Variants in UBAP2 observed in about 807,000 individuals in gnomAD.
UBAP2 encodes the protein ubiquitin-associated protein 2.
Under a neutral mutation model 139.6 loss-of-function variants are expected in UBAP2, and 75 were observed. The observed-to-expected ratio is 0.54, with a 90% CI of 0.45 to 0.65. The LOEUF (loss-of-function observed/expected upper bound fraction) is 0.65, where lower values mean the gene tolerates loss of function less well. UBAP2 is among the 30% of genes least tolerant of loss of function. The pLI is 0.00. For synonymous variants in UBAP2, 526 were observed against 526.2 expected, an observed-to-expected ratio of 1.00 and a Z score of 0.01; for missense variants, 1,368 against 1,369.6, an observed-to-expected ratio of 1.00 and a Z score of 0.02.
chr9:33,978,257 G>C (rs911169452), intron 6 of UBAP2, among the ~76,000 whole-genome samples: 1 of 151,830 alleles, frequency 6.6e-6, no homozygotes, highest in Non-Finnish European at 1.5e-5. Flanking sequence ...ACGTAAGCTG[G>C]GTCTGGTGGC....
chr9:34,003,741 A>G (rs34640542), intron 2 of UBAP2, among the ~76,000 whole-genome samples: 19,193 of 147,464 alleles, frequency 0.13, 1,548 homozygotes, highest in African/African-American at 0.23. Flanking sequence ...TTTTTTTGAG[A>G]CAGAGTTTCA....
chr9:33,988,907 G>C, intron 5 of UBAP2, 66 bp downstream of exon 5: 1 of 1,531,394 alleles, frequency 6.5e-7, no homozygotes, highest in Non-Finnish European at 8.8e-7. Flanking sequence ...AACTTTGGGA[G>C]GCTGAGGCGG....
intron 2 of UBAP2, among the ~76,000 whole-genome samples, chr9:34,015,860 G>A (rs1422657985): frequency 1.3e-5 from 2 of 151,904 alleles, no homozygotes; most frequent in African/African-American, 4.8e-5. Context: ...GTAGAGACAA[G>A]GTCCTCACTA....
At chr9:33,931,585 A>G (rs1347742235) in intron 19 of UBAP2, among the ~76,000 whole-genome samples, 1 of 152,188 alleles carries the variant, frequency 6.6e-6, no homozygotes, top group Non-Finnish European at 1.5e-5. Flanking sequence ...TGTCCACACT[A>G]TGCTCTCCTT....
chr9:33,968,312 C>T (rs1827625549), intron 8 of UBAP2: 12 of 595,754 alleles, frequency 2.0e-5, no homozygotes, highest in Admixed American at 1.9e-4. Context: ...AGCTACTGGC[C>T]TCTGATGCCC....
intron 1 of UBAP2, among the ~76,000 whole-genome samples, chr9:34,017,926 CAAAA>C (rs796397170): frequency 8.6e-6 from 1 of 116,420 alleles, no homozygotes; most frequent in Non-Finnish European, 1.8e-5. Context: ...GACTCCGTCT[CAAAA>C]AAAAAAAAAA....
intron 1 of UBAP2, among the ~76,000 whole-genome samples, chr9:34,021,186 C>T (rs2131296066): frequency 6.6e-6 from 1 of 152,246 alleles, no homozygotes; most frequent in Admixed American, 6.5e-5. Flanking sequence ...CTATTTTAGC[C>T]AGAAAAGGTC....
In UBAP2 at chr9:33,980,220, CTTTTTTTTTTTTT is replaced by C. The variant is rs1173781682; in HGVS notation, c.520+6527_520+6539del. Among the ~76,000 whole-genome samples the C allele has an allele frequency of 1.0e-3, 50 of 49,136 alleles. 1 individual carries two copies. Among genetic ancestry groups the C allele is most frequent in the Non-Finnish European group, 1.3e-3 (35 of 27,464 alleles). 32.2% of individuals were successfully genotyped at this position (49,136 alleles called of 152,430 possible). A position where few individuals can be genotyped will look rare whatever the true frequency, so the allele number is the denominator to read the frequency against. Reference sequence around the variant, plus strand: ...TTAATCCAAATCCTGAGTGTCATTTCTTTTTTTTTTTTTTTTTTTTTTTTTTTTTTGAGACGGA... The same window carrying C: ...TTAATCCAAATCCTGAGTGTCATTTCTTTTTTTTTTTTTTTTTGAGACGGA... On this transcript the variant is annotated intron_variant, in intron 6 of 28. Coordinates refer to ENST00000379238, the MANE Select transcript of UBAP2 (RefSeq NM_001370062.2).
chr9:34,010,115 T>C (rs1823617653), intron 2 of UBAP2, among the ~76,000 whole-genome samples: 1 of 56,036 alleles, frequency 1.8e-5, no homozygotes, highest in African/African-American at 6.1e-5. Flanking sequence ...CCCGAGGTCC[T>C]GTCTATTAAA....
chr9:33,935,584 C>T (rs143721247), intron 17 of UBAP2: 117 of 518,214 alleles, frequency 2.3e-4, no homozygotes, highest in African/African-American at 1.8e-3. Context: ...CTTTAAAATG[C>T]ATACTGTATG....
chr9:34,035,831 G>A (rs1355501859), intron 1 of UBAP2, among the ~76,000 whole-genome samples: 2 of 151,194 alleles, frequency 1.3e-5, no homozygotes, highest in African/African-American at 2.4e-5. Context: ...CTCCTAAATC[G>A]TCCCTGCCTT....
rs1822547766 is a variant in UBAP2, at chr9:33,999,898, GTATGTAT to G, written c.100-1041_100-1035del. 3.2e-5 allele frequency among the ~76,000 whole-genome samples: 3 copies of G among 94,444 alleles called. No homozygotes were observed. The South Asian group carries it at 8.5e-4, about 27-fold the overall frequency. The allele number at this position is 94,444 out of a possible 152,430, so 62.0% of individuals were successfully genotyped here. ...TGTATGTATGTATGTATGTATGTAT[GTATGTAT>G]GTTATTTTGAGATGGAGTCACACTC... On this transcript the variant is annotated intron_variant, in intron 2 of 28. Transcript: ENST00000379238.
chr9:33,969,921 C>CTTTTTTTTTTTTTTTTT (rs1173625005), intron 8 of UBAP2, among the ~76,000 whole-genome samples: 3 of 46,154 alleles, frequency 6.5e-5, no homozygotes, highest in African/African-American at 2.7e-4. Flanking sequence ...GTGTATAATT[C>CTTTTTTTTTTTTTTTTT]TTTTTTTTTT....
At chr9:34,004,466 CAG>C in intron 2 of UBAP2, among the ~76,000 whole-genome samples, 1 of 149,430 alleles carries the variant, frequency 6.7e-6, no homozygotes, top group South Asian at 2.1e-4. Flanking sequence ...GCCTGTGTGA[CAG>C]AACAACCTGG....
chr9:33,930,281 A>G (rs971063203), intron 19 of UBAP2, among the ~76,000 whole-genome samples: 1 of 152,190 alleles, frequency 6.6e-6, no homozygotes, highest in Admixed American at 6.5e-5. Flanking sequence ...ATAAAATCAT[A>G]AATGCCTTGC....
intron 1 of UBAP2, among the ~76,000 whole-genome samples, chr9:34,030,007 A>C (rs1482116348): frequency 2.0e-5 from 3 of 151,030 alleles, no homozygotes; most frequent in Non-Finnish European, 3.0e-5. Context: ...AAAAGAAAGA[A>C]ATACATACAT....
chr9:34,035,512 A>ATATATATATATATAT lies in UBAP2; in HGVS notation c.-42+13312_-42+13313insATATATATATATATA, dbSNP rs1554692765. Among the ~76,000 whole-genome samples the ATATATATATATATAT allele has an allele frequency of 1.8e-3, 7 of 3,792 alleles. 2 individuals are homozygous for ATATATATATATATAT. The highest frequency in any genetic ancestry group is 3.1e-3 in the African/African-American group (7 of 2,288). The allele number at this position is 3,792 out of a possible 152,430, so 2.5% of individuals were successfully genotyped here. On this transcript the variant is annotated intron_variant, in intron 1 of 28. Transcript: ENST00000379238. The stretch of plus-strand genomic sequence containing the variant: ...GCGAGACTCCATCTAAAAAAAAAAA[A>ATATATATATATATAT]AAATATATATATATAAAGATTAGCC...
chr9:33,966,892 C>A (rs936809895), intron 8 of UBAP2, among the ~76,000 whole-genome samples: 2 of 151,898 alleles, frequency 1.3e-5, no homozygotes, highest in African/African-American at 4.8e-5. Context: ...ATCAACAAAT[C>A]TAATTTTTTT....
chr9:33,922,578 GGCTGCGCTGACCCGAGCC>G lies in UBAP2; in HGVS notation c.3268_3285del (p.Gly1090_Ser1095del). The G allele has an allele frequency of 6.2e-7, 1 of 1,613,550 alleles. No homozygotes were observed. Among genetic ancestry groups the G allele is most frequent in the Non-Finnish European group, 8.5e-7 (1 of 1,179,862 alleles). ...GACTTGGGCTGCAGGGAGCTGGGCT[GGCTGCGCTGACCCGAGCC>G]ACTCTGAGGAAGAGGAGAAGGGAAG... On this transcript the variant is annotated inframe_deletion, in exon 29 of 29. Transcript: ENST00000379238.
Sources: gnomAD v4.1 joint callset for allele counts (sites outside exome capture counted in the v4.1 genomes callset) on GRCh38, gnomAD v4.1.1 for gene constraint, MANE v1.5 for transcripts, NCBI Gene and HGNC (gene_info 2026-07-23, HGNC 2026-07-21) for gene names.